Variants in SYT16 observed in about 807,000 individuals in gnomAD.
SYT16 encodes the protein synaptotagmin 16, also known as synaptotagmin-16.
A neutral mutation model predicts 61.4 loss-of-function variants in SYT16; 42 were observed. The ratio of observed to expected loss-of-function variants is 0.68; its 90% CI spans 0.53 to 0.89. The LOEUF is 0.89. Ranked by LOEUF, SYT16 falls within the 40% of genes least tolerant of loss-of-function variation. The pLI, the probability that SYT16 is intolerant of heterozygous loss-of-function variation, is 0.00. For missense variants in SYT16, 804 were observed against 807.3 expected, an observed-to-expected ratio of 1.00 and a Z score of 0.05; for synonymous variants, 314 against 302.3, an observed-to-expected ratio of 1.04 and a Z score of -0.40.
At position 61,996,066 on chromosome 14, in the gene SYT16, C is replaced by T. The variant is rs1409503101; in HGVS notation, c.47C>T (p.Pro16Leu). Residue 16 changes from proline (P) to leucine (L), a missense_variant, in exon 3 of 8, where the codon CCT (proline) becomes CTT (leucine). Pro to Leu is a moderately conservative substitution (Grantham distance 98). Transcript: ENST00000683842. ...ASQDVQNFFQ[P>L]FSSWISRVYE... is the part of the protein sequence containing the mutation. ...CAGGATGTTCAGAACTTCTTCCAGCCTTTCTCTTCCTGGATATCTCGGGTT... is the reference window on the plus strand; with the variant it reads ...CAGGATGTTCAGAACTTCTTCCAGCTTTTCTCTTCCTGGATATCTCGGGTT... 1 of 1,610,212 alleles carries T rather than the reference C, an allele frequency of 6.2e-7. No individual in the cohort carries two copies. The highest frequency in any genetic ancestry group is 1.3e-5 in the African/African-American group (1 of 74,714).
intron 1 of SYT16, among the ~76,000 whole-genome samples, chr14:61,860,262 G>C (rs1427869148): frequency 1.3e-5 from 2 of 152,122 alleles, no homozygotes; most frequent in Admixed American, 1.3e-4. Context: ...TATTTGTTTG[G>C]GTGTGATTTA....
At chr14:61,864,628 A>G (rs1453995525) in intron 1 of SYT16, among the ~76,000 whole-genome samples, 3 of 152,362 alleles carry the variant, frequency 2.0e-5, no homozygotes, top group East Asian at 1.9e-4. Flanking sequence ...CGCGGCCTCA[A>G]TTTGGCGGTG....
At chr14:62,044,990 T>C (rs931343898) in intron 3 of SYT16, among the ~76,000 whole-genome samples, 1 of 152,010 alleles carries the variant, frequency 6.6e-6, no homozygotes, top group Non-Finnish European at 1.5e-5. Context: ...ATACAAAAAT[T>C]AGCTGGGCGT....
At chr14:61,884,498 C>A (rs897000037) in intron 1 of SYT16, among the ~76,000 whole-genome samples, 1 of 152,150 alleles carries the variant, frequency 6.6e-6, no homozygotes, top group Non-Finnish European at 1.5e-5. Context: ...ATGAAAAAAT[C>A]TAGGTTTAAA....
intron 2 of SYT16, among the ~76,000 whole-genome samples, chr14:61,994,639 G>A (rs1396873199): frequency 1.3e-5 from 2 of 152,142 alleles, no homozygotes; most frequent in Non-Finnish European, 2.9e-5. Context: ...GTAGGTGGTG[G>A]GAAGACAAGG....
chr14:62,013,918 TG>T lies in SYT16; in HGVS notation c.523+17377del, dbSNP rs2053564795. Among the ~76,000 whole-genome samples the T allele has an allele frequency of 2.0e-5, 3 of 151,658 alleles. No individual in the cohort carries two copies. In the South Asian group the frequency reaches 6.3e-4, roughly 32 times the overall value. ...GGCGGAGGTTGCCGTGAGCCGAGAT[TG>T]TGCCACTGCACTCCAGCCTGCGCAA... On this transcript the variant is annotated intron_variant, in intron 3 of 7. Transcript: ENST00000683842.
Position 61,996,111 on chromosome 14 carries a change from C to G in SYT16, c.92C>G (p.Ala31Gly), listed in dbSNP as rs759436822. Reference sequence around the variant, plus strand: ...CGGGTTTATGAAGCTCTCCAGCAAGCAGGAGATATGTTATCTGCTTCGCTG... The same window carrying G: ...CGGGTTTATGAAGCTCTCCAGCAAGGAGGAGATATGTTATCTGCTTCGCTG... ...ISRVYEALQQ[A>G]GDMLSASLVN... The change falls in exon 3 of 8, where the codon GCA becomes GGA. Residue 31 changes from alanine (A) to glycine (G), a missense_variant. Physicochemically the swap from Ala to Gly is moderately conservative, Grantham distance 60 (BLOSUM62 0). Transcript: ENST00000683842. 6.2e-7 allele frequency: 1 copy of G among 1,613,176 alleles called. No homozygotes were observed.
intron 3 of SYT16, among the ~76,000 whole-genome samples, chr14:62,065,780 G>C (rs540481056): frequency 6.6e-6 from 1 of 152,288 alleles, no homozygotes. Flanking sequence ...TTTTGTTCCT[G>C]TTGTCCCTGG....
intron 2 of SYT16, among the ~76,000 whole-genome samples, chr14:61,992,878 A>G (rs1461722177): frequency 2.6e-5 from 4 of 152,186 alleles, no homozygotes; most frequent in Non-Finnish European, 5.9e-5. Context: ...AGTGATTTTG[A>G]CAGCACCAGT....
chr14:61,915,843 A>G (rs1465608675), intron 1 of SYT16, among the ~76,000 whole-genome samples: 3 of 152,340 alleles, frequency 2.0e-5, no homozygotes, highest in East Asian at 3.9e-4. Context: ...AGACCTTTAC[A>G]TTAAAGCATG....
intron 3 of SYT16, among the ~76,000 whole-genome samples, chr14:62,052,780 G>C (rs924720331): frequency 3.3e-5 from 5 of 152,160 alleles, no homozygotes; most frequent in Non-Finnish European, 5.9e-5. Context: ...GTCATGTGAG[G>C]ATAAAAAGAG....
rs147422702 is a variant in SYT16, at chr14:62,073,151, T to C, written c.737-1984T>C. Among the ~76,000 whole-genome samples the C allele has an allele frequency of 2.3e-3, 344 of 152,354 alleles. 4 individuals carry two copies. The highest frequency in any genetic ancestry group is 7.9e-3 in the African/African-American group (330 of 41,580). On this transcript the variant is annotated intron_variant, in intron 4 of 7. Coordinates refer to ENST00000683842, the MANE Select transcript of SYT16 (RefSeq NM_001367656.1). ...TGTCATGGAAAATGGTTTGTTACAT[T>C]AATATCATTCTTATGTTTTTCAGTT...
chr14:61,942,798 G>T (rs182609084), intron 1 of SYT16, among the ~76,000 whole-genome samples: 1 of 151,930 alleles, frequency 6.6e-6, no homozygotes, highest in East Asian at 1.9e-4. Context: ...TTTTTCTTGG[G>T]TATTTCCATC....
chr14:62,041,439 G>A (rs2054726770), intron 3 of SYT16, among the ~76,000 whole-genome samples: 1 of 152,144 alleles, frequency 6.6e-6, no homozygotes, highest in African/African-American at 2.4e-5. Context: ...ATTTTTCTCA[G>A]GCTTAGACTG....
At chr14:62,059,431 A>C (rs999319158) in intron 3 of SYT16, among the ~76,000 whole-genome samples, 4 of 151,858 alleles carry the variant, frequency 2.6e-5, no homozygotes, top group African/African-American at 9.7e-5. Flanking sequence ...TATAAATTCT[A>C]GATAGAAGCC....
intron 1 of SYT16, among the ~76,000 whole-genome samples, chr14:61,901,611 G>C (rs2140358648): frequency 6.6e-6 from 1 of 152,080 alleles, no homozygotes; most frequent in East Asian, 1.9e-4. Flanking sequence ...GTATCCCCAT[G>C]CATTAGTTGA....
At chr14:62,019,866 A>T (rs528644903) in intron 3 of SYT16, among the ~76,000 whole-genome samples, 48 of 152,354 alleles carry the variant, frequency 3.2e-4, no homozygotes, top group African/African-American at 1.2e-3. Flanking sequence ...AAAAGCGCCT[A>T]TCTGACACCT....
chr14:62,067,820 CAAACAAAT>C (rs2056123964), intron 3 of SYT16, among the ~76,000 whole-genome samples: 1 of 151,880 alleles, frequency 6.6e-6, no homozygotes, highest in South Asian at 2.1e-4. Flanking sequence ...AACAAACAAA[CAAACAAAT>C]AAATAAATAA....
At chr14:62,011,535 G>A (rs755409356) in intron 3 of SYT16, among the ~76,000 whole-genome samples, 52 of 152,258 alleles carry the variant, frequency 3.4e-4, no homozygotes, top group South Asian at 1.4e-3. Context: ...GATTGGCCAG[G>A]CCTAAGTCAC....
Sources: allele counts gnomAD v4.1 joint callset (sites outside exome capture counted in the v4.1 genomes callset), GRCh38; gene constraint gnomAD v4.1.1; transcripts MANE v1.5; gene names NCBI Gene and HGNC (gene_info 2026-07-23, HGNC 2026-07-21).